PTGER4: variants seen among roughly 807,000 people sequenced by gnomAD.
The protein encoded by PTGER4 is prostaglandin E receptor 4.
Under a neutral mutation model 33.2 loss-of-function variants are expected in PTGER4, and 11 were observed. The ratio of observed to expected loss-of-function variants is 0.33; its 90% CI spans 0.21 to 0.55. The LOEUF (loss-of-function observed/expected upper bound fraction) is 0.55. Ranked by LOEUF, PTGER4 falls within the 20% of genes least tolerant of loss-of-function variation. PTGER4 has a pLI of 0.92. For synonymous variants in PTGER4, 275 were observed against 281.5 expected, an observed-to-expected ratio of 0.98 and a Z score of 0.23; for missense variants, 481 against 650.2, an observed-to-expected ratio of 0.74 and a Z score of 2.83.
the PTGER4 span, among the ~76,000 whole-genome samples, chr5:40,707,877 T>C: frequency 6.6e-6 from 1 of 152,194 alleles, no homozygotes; most frequent in East Asian, 1.9e-4. Flanking sequence ...ATTAAGAAAA[T>C]CACTCAAAAC....
chr5:40,696,717 G>T, downstream of PTGER4: 1 of 983,552 alleles, frequency 1.0e-6, no homozygotes, highest in African/African-American at 1.7e-5. Flanking sequence ...CTTTTCCTAA[G>T]AACGTTTAAC....
chr5:40,716,583 C>T, the PTGER4 span: 1 of 841,276 alleles, frequency 1.2e-6, no homozygotes, highest in Non-Finnish European at 1.9e-6. Flanking sequence ...TACATATATA[C>T]TGTACACATA....
At chr5:40,700,359 A>T in the PTGER4 span, among the ~76,000 whole-genome samples, 1 of 152,240 alleles carries the variant, frequency 6.6e-6, no homozygotes, top group Non-Finnish European at 1.5e-5. Context: ...CTCCAGCGGC[A>T]GCTGAAAGCC....
At chr5:40,721,178 GA>G in the PTGER4 span, among the ~76,000 whole-genome samples, 1 of 152,154 alleles carries the variant, frequency 6.6e-6, no homozygotes, top group Non-Finnish European at 1.5e-5. Context: ...ACCTGTAGTG[GA>G]GTACTGATGG....
the PTGER4 span, chr5:40,716,419 C>T: frequency 1.2e-6 from 2 of 1,613,814 alleles, no homozygotes; most frequent in African/African-American, 1.3e-5. Context: ...CTGGAGCGTT[C>T]TTGCCCAAGA....
chr5:40,700,590 T>G, the PTGER4 span, among the ~76,000 whole-genome samples: 3 of 152,146 alleles, frequency 2.0e-5, no homozygotes, highest in African/African-American at 7.2e-5. Flanking sequence ...TGACCTGCAT[T>G]TCTCTGGGGT....
chr5:40,702,261 A>G, the PTGER4 span, among the ~76,000 whole-genome samples: 1 of 152,246 alleles, frequency 6.6e-6, no homozygotes, highest in Non-Finnish European at 1.5e-5. Flanking sequence ...ACCCAATGGT[A>G]TGCTGTCTTC....
chr5:40,698,418 A>G (rs1398182320), downstream of PTGER4, among the ~76,000 whole-genome samples: 2 of 152,204 alleles, frequency 1.3e-5, no homozygotes, highest in Non-Finnish European at 2.9e-5. Flanking sequence ...TCATCAGTAT[A>G]CCAGTACTTA....
chr5:40,687,006 T>TA (rs1194937967), intron 2 of PTGER4, among the ~76,000 whole-genome samples: 2 of 152,136 alleles, frequency 1.3e-5, no homozygotes, highest in Non-Finnish European at 2.9e-5. Context: ...AGAAAGGAGA[T>TA]ACGTTGTTTG....
intron 2 of PTGER4, among the ~76,000 whole-genome samples, chr5:40,688,924 G>A (rs1382552400): frequency 1.3e-5 from 2 of 152,156 alleles, no homozygotes; most frequent in East Asian, 3.8e-4. Context: ...ATCTTGGTTA[G>A]AGGCATGTCA....
the PTGER4 span, among the ~76,000 whole-genome samples, chr5:40,708,816 T>A: frequency 3.4e-4 from 51 of 152,214 alleles, 1 homozygote; most frequent in African/African-American, 1.2e-3. Context: ...CAGCAGCACA[T>A]CAAAAAGCTT....
Position 40,691,753 on chromosome 5 carries a change from C to A in PTGER4, c.868-26C>A, listed in dbSNP as rs1479379209. ...TTTCCCAATTGATTAATGATGAAATCTAAATGTGCGATCTCACTTATGCAG... is the reference window on the plus strand; with the variant it reads ...TTTCCCAATTGATTAATGATGAAATATAAATGTGCGATCTCACTTATGCAG... On this transcript the variant is annotated intron_variant, in intron 2 of 2. Transcript: ENST00000302472. The surrounding 1 kb of genome is among the most constrained non-coding windows in gnomAD (Gnocchi z 4.2). 2 of 1,590,346 alleles carry A rather than the reference C, an allele frequency of 1.3e-6. No individual in the cohort carries two copies. The highest frequency in any genetic ancestry group is 1.3e-5 in the African/African-American group (1 of 74,138).
At chr5:40,717,229 C>CAAAA in the PTGER4 span, among the ~76,000 whole-genome samples, 33 of 108,880 alleles carry the variant, frequency 3.0e-4, no homozygotes, top group Non-Finnish European at 5.1e-4. Context: ...AACTCCATCT[C>CAAAA]AAAAAAAAAA....
chr5:40,737,305 A>AC, the PTGER4 span, among the ~76,000 whole-genome samples: 1 of 152,132 alleles, frequency 6.6e-6, no homozygotes, highest in Non-Finnish European at 1.5e-5. Flanking sequence ...ACCTCAAAAA[A>AC]AAAAAAAAGA....
At chr5:40,714,005 T>G in the PTGER4 span, among the ~76,000 whole-genome samples, 2 of 152,212 alleles carry the variant, frequency 1.3e-5, no homozygotes. Context: ...CTCCTCTGTC[T>G]TATGTCTAAA....
At chr5:40,713,445 C>CA in the PTGER4 span, among the ~76,000 whole-genome samples, 1 of 152,254 alleles carries the variant, frequency 6.6e-6, no homozygotes, top group South Asian at 2.1e-4. Context: ...GGCATCAATT[C>CA]AAAAGATTGT....
At chr5:40,733,980 C>T in the PTGER4 span, among the ~76,000 whole-genome samples, 4 of 152,196 alleles carry the variant, frequency 2.6e-5, no homozygotes, top group Non-Finnish European at 5.9e-5. Context: ...CTCAACTGCA[C>T]TGTCTTTTAT....
At chr5:40,716,459 T>G in the PTGER4 span, 5 of 1,613,248 alleles carry the variant, frequency 3.1e-6, no homozygotes, top group Non-Finnish European at 4.2e-6. Flanking sequence ...TCAGGGTTCA[T>G]TGGATAGATG....
At chr5:40,742,047 C>T in the PTGER4 span, among the ~76,000 whole-genome samples, 1 of 151,958 alleles carries the variant, frequency 6.6e-6, no homozygotes, top group African/African-American at 2.4e-5. Flanking sequence ...GTTTTTGCCC[C>T]TTCTCTCAAA....
Sources: gnomAD v4.1 joint callset for allele counts (sites outside exome capture counted in the v4.1 genomes callset) on GRCh38, gnomAD v4.1.1 for gene constraint, Gnocchi (gnomAD v3.1) non-coding constraint, MANE v1.5 for transcripts, NCBI Gene and HGNC (gene_info 2026-07-23, HGNC 2026-07-21) for gene names.